PRUNE2: variants seen among roughly 807,000 people sequenced by gnomAD.
PRUNE2 encodes the protein prune homolog 2 with BCH domain, also known as protein prune homolog 2.
A neutral mutation model predicts 252.0 loss-of-function variants in PRUNE2; 164 were observed. The observed-to-expected ratio is 0.65, with a 90% CI of 0.57 to 0.74. PRUNE2 has a LOEUF of 0.74. Among genes scored for constraint, PRUNE2 ranks in the 30% least tolerant of loss-of-function variants. The pLI is 0.00. For missense variants in PRUNE2, 3,495 were observed against 3,711.0 expected (o/e 0.94, Z 1.51); for synonymous variants, 1,292 against 1,350.2 (o/e 0.96, Z 0.94).
At chr9:76,888,181 A>G (rs1017365164) in intron 1 of PRUNE2, among the ~76,000 whole-genome samples, 1 of 152,084 alleles carries the variant, frequency 6.6e-6, no homozygotes, top group Non-Finnish European at 1.5e-5. Context: ...ACCACGCACC[A>G]CTAACAATAG....
chr9:76,734,053 A>G (rs2048867543), intron 6 of PRUNE2, among the ~76,000 whole-genome samples: 1 of 152,048 alleles, frequency 6.6e-6, no homozygotes, highest in Non-Finnish European at 1.5e-5. Context: ...AGGTTATTCA[A>G]TGGAAGGGCT....
chr9:76,783,554 A>G (rs1486615439), intron 6 of PRUNE2, among the ~76,000 whole-genome samples: 1 of 152,162 alleles, frequency 6.6e-6, no homozygotes, highest in Non-Finnish European at 1.5e-5. Context: ...GCCCACTGAA[A>G]TAAGTATTAA....
chr9:76,797,296 A>G (rs1222365771), intron 6 of PRUNE2, among the ~76,000 whole-genome samples: 1 of 152,196 alleles, frequency 6.6e-6, no homozygotes, highest in Non-Finnish European at 1.5e-5. Flanking sequence ...ATGCACAGAA[A>G]AAGAACTGAA....
At chr9:76,629,425 GACGAGTTACAATGTGCCAGACA>G in intron 15 of PRUNE2, 135 bp from the exon 16 acceptor site, 1 of 538,532 alleles carries the variant, frequency 1.9e-6, no homozygotes, top group Non-Finnish European at 3.2e-6. Context: ...AACATTATTT[GACGAGTTACAATGTGCCAGACA>G]CTGTTTTGTT....
intron 3 of PRUNE2, among the ~76,000 whole-genome samples, chr9:76,847,044 AGGCTGGGCGCGGT>A (rs1431296145): frequency 1.3e-5 from 2 of 152,180 alleles, no homozygotes; most frequent in Non-Finnish European, 2.9e-5. Flanking sequence ...TGAATTCTAC[AGGCTGGGCGCGGT>A]GGCTCACAAC....
At chr9:76,827,008 A>G (rs1011274740) in intron 4 of PRUNE2, among the ~76,000 whole-genome samples, 1 of 152,216 alleles carries the variant, frequency 6.6e-6, no homozygotes, top group Non-Finnish European at 1.5e-5. Context: ...AAAAATGTGT[A>G]TATTCCCCCA....
intron 6 of PRUNE2, among the ~76,000 whole-genome samples, chr9:76,814,003 G>C (rs777824117): frequency 6.6e-6 from 1 of 152,094 alleles, no homozygotes; most frequent in Non-Finnish European, 1.5e-5. Context: ...TAGTAGAGAC[G>C]GGGTTTCACC....
chr9:76,698,734 A>T (rs2045620235), intron 9 of PRUNE2, among the ~76,000 whole-genome samples: 1 of 152,244 alleles, frequency 6.6e-6, no homozygotes, highest in Non-Finnish European at 1.5e-5. Context: ...GTCTGACTTC[A>T]CGAAAAACAA....
At chr9:76,618,908 TCTCATACAGG>T (rs1197346767) in intron 18 of PRUNE2, among the ~76,000 whole-genome samples, 3 of 152,292 alleles carry the variant, frequency 2.0e-5, no homozygotes, top group Non-Finnish European at 4.4e-5. Flanking sequence ...ATTCCTACAG[TCTCATACAGG>T]CTCGAATTCC....
chr9:76,893,302 G>A (rs2889741), intron 1 of PRUNE2, among the ~76,000 whole-genome samples: 90,556 of 152,098 alleles, frequency 0.6, 27,192 homozygotes, highest in South Asian at 0.69. Context: ...GTAGTTTCCA[G>A]TGTAAAGGTC....
At chr9:76,793,416 G>T (rs532716036) in intron 6 of PRUNE2, among the ~76,000 whole-genome samples, 1 of 152,282 alleles carries the variant, frequency 6.6e-6, no homozygotes, top group East Asian at 1.9e-4. Flanking sequence ...GAATGAAATC[G>T]ATGTTAGTGA....
At chr9:76,794,509 G>T (rs947638912) in intron 6 of PRUNE2, among the ~76,000 whole-genome samples, 1 of 151,702 alleles carries the variant, frequency 6.6e-6, no homozygotes, top group African/African-American at 2.4e-5. Context: ...CAGCTACTCG[G>T]GAGGCTGAGG....
In PRUNE2 at chr9:76,705,209, A is replaced by G; in HGVS notation, c.7065T>C (p.Asp2355=). 6.2e-7 allele frequency: 1 copy of G among 1,613,968 alleles called. No homozygotes were observed. The highest frequency in any genetic ancestry group is 8.5e-7 in the Non-Finnish European group (1 of 1,179,884). ...CTTCATCGATATTCTGGCCCATTAC[A>G]TCATATTCAAAATCACCCCACGAGG... ...SEASWGDFEY[D]VMGQNIDEDL... Residue 2355 remains aspartate (D), a synonymous_variant, in exon 8 of 19, where the codon GAT becomes GAC. Transcript: ENST00000376718.
At chr9:76,905,637 G>A (rs915013169) in intron 1 of PRUNE2, among the ~76,000 whole-genome samples, 1 of 152,094 alleles carries the variant, frequency 6.6e-6, no homozygotes, top group Non-Finnish European at 1.5e-5. Flanking sequence ...TAGCTTTCAG[G>A]AGCAAACTGC....
chr9:76,696,767 C>CG (rs973213965), intron 9 of PRUNE2, among the ~76,000 whole-genome samples: 11 of 152,180 alleles, frequency 7.2e-5, no homozygotes, highest in African/African-American at 2.7e-4. Context: ...GTGGGAGATG[C>CG]GGGGGAAGAG....
chr9:76,812,971 T>C (rs2057456558), intron 6 of PRUNE2, among the ~76,000 whole-genome samples: 1 of 152,188 alleles, frequency 6.6e-6, no homozygotes, highest in African/African-American at 2.4e-5. Flanking sequence ...AAGTAATACA[T>C]TCTCAAAACT....
At chr9:76,846,399 C>T in intron 4 of PRUNE2, 116 bp downstream of exon 4, 1 of 788,650 alleles carries the variant, frequency 1.3e-6, no homozygotes, top group Non-Finnish European at 1.9e-6. Context: ...ATGAAGCTTC[C>T]CGTGGTCTTT....
chr9:76,766,517 T>C (rs1036923594), intron 6 of PRUNE2, among the ~76,000 whole-genome samples: 4 of 152,236 alleles, frequency 2.6e-5, no homozygotes, highest in African/African-American at 9.6e-5. Flanking sequence ...TTCTTTCTGC[T>C]AAATTAACTT....
At chr9:76,827,451 G>T (rs553252913) in intron 4 of PRUNE2, among the ~76,000 whole-genome samples, 1 of 152,118 alleles carries the variant, frequency 6.6e-6, no homozygotes, top group African/African-American at 2.4e-5. Flanking sequence ...CACCCCATAC[G>T]TACTCTTACT....
Sources: allele counts gnomAD v4.1 joint callset (sites outside exome capture counted in the v4.1 genomes callset), GRCh38; gene constraint gnomAD v4.1.1; transcripts MANE v1.5; gene names NCBI Gene and HGNC (gene_info 2026-07-23, HGNC 2026-07-21).